Variants in SLC13A3 observed in about 807,000 individuals in gnomAD.
SLC13A3 encodes solute carrier family 13 member 3.
In SLC13A3, 40 loss-of-function variants were observed where a neutral mutation model predicts 59.0. That is an observed-to-expected ratio of 0.68 (90% CI 0.53 to 0.88). The LOEUF is 0.88. SLC13A3 is among the 40% of genes least tolerant of loss of function. The probability of loss-of-function intolerance (pLI) is 0.00; values close to 1 mark genes in which losing one functional copy is unlikely to be tolerated. For synonymous variants in SLC13A3, 317 were observed against 330.3 expected (o/e 0.96, Z 0.44); for missense variants, 699 against 783.2 (o/e 0.89, Z 1.28).
At chr20:46,565,799 G>C (rs936129920) in intron 11 of SLC13A3, among the ~76,000 whole-genome samples, 1 of 152,164 alleles carries the variant, frequency 6.6e-6, no homozygotes, top group Non-Finnish European at 1.5e-5. Flanking sequence ...TGTAGTGCAC[G>C]GATCAGCCCC....
chr20:46,614,983 T>C (rs961660307), intron 1 of SLC13A3, among the ~76,000 whole-genome samples: 4 of 152,238 alleles, frequency 2.6e-5, no homozygotes, highest in Admixed American at 2.0e-4. Context: ...TATACCTAGA[T>C]TGGAGTGGTA....
chr20:46,633,773 A>G (rs1292818907), intron 1 of SLC13A3, among the ~76,000 whole-genome samples: 3 of 152,248 alleles, frequency 2.0e-5, no homozygotes, highest in African/African-American at 4.8e-5. Context: ...GACTTGCTCA[A>G]GGCCCTCTGC....
Position 46,559,898 on chromosome 20 carries a change from C to A in SLC13A3, c.*124G>T. On this transcript the variant is annotated 3_prime_UTR_variant, in exon 13 of 13. Transcript: ENST00000279027. ...GACTTGAGTGGGCCACTGGAGGTCACCCTTGCTTGCTGCATATTGGATTAC... is the reference window on the plus strand; with the variant it reads ...GACTTGAGTGGGCCACTGGAGGTCAACCTTGCTTGCTGCATATTGGATTAC... 1 of 972,844 alleles carries A rather than the reference C, an allele frequency of 1.0e-6. No individual in the cohort carries two copies. The highest frequency in any genetic ancestry group is 1.5e-6 in the Non-Finnish European group (1 of 653,010). The allele number at this position is 972,844 out of a possible 1,614,324, so 60.3% of individuals were successfully genotyped here. A position where few individuals can be genotyped will look rare whatever the true frequency, so the allele number is the denominator to read the frequency against.
chr20:46,578,667 C>A (rs1050086348), intron 9 of SLC13A3, among the ~76,000 whole-genome samples: 3 of 151,908 alleles, frequency 2.0e-5, no homozygotes, highest in Non-Finnish European at 4.4e-5. Flanking sequence ...CAGAGCAAGA[C>A]CCTGTCTTAA....
At chr20:46,655,857 A>G (rs1163976148), upstream of SLC13A3, among the ~76,000 whole-genome samples, 1 of 137,214 alleles carries the variant, frequency 7.3e-6, no homozygotes, top group African/African-American at 2.7e-5. Context: ...TGTATATAAT[A>G]TATATACTGT....
At chr20:46,641,672 C>T (rs2062846844) in intron 1 of SLC13A3, among the ~76,000 whole-genome samples, 1 of 152,100 alleles carries the variant, frequency 6.6e-6, no homozygotes, top group Non-Finnish European at 1.5e-5. Context: ...CAAAAGAAGG[C>T]ACATGAGGCT....
In SLC13A3 at chr20:46,615,090, C is replaced by T. The variant is rs1050670747; in HGVS notation, c.112-1365G>A. On this transcript the variant is annotated intron_variant, in intron 1 of 12. Coordinates refer to ENST00000279027, the MANE Select transcript of SLC13A3 (RefSeq NM_022829.6). The stretch of plus-strand genomic sequence containing the variant: ...ACAATGACTTCACATCTGATGCATC[C>T]GTGTCCCACAGGATTCATAATACTT... Among the ~76,000 whole-genome samples, 7 of 152,172 alleles carry T rather than the reference C, an allele frequency of 4.6e-5. No individual in the cohort carries two copies. In the East Asian group the frequency reaches 5.8e-4, roughly 13 times the overall value.
Position 46,589,588 on chromosome 20 carries a change from T to C in SLC13A3, c.921-333A>G, listed in dbSNP as rs576832072. Among the ~76,000 whole-genome samples, 10 of 152,324 alleles carry C rather than the reference T, an allele frequency of 6.6e-5. 1 individual carries two copies. In the East Asian group the frequency reaches 1.9e-3, roughly 29 times the overall value. ...CAATCACAAATGGGAATTTAGTCTA[T>C]AATAAAATTGCTATCTCAGATTGGT... On this transcript the variant is annotated intron_variant, in intron 6 of 12. Transcript: ENST00000279027.
chr20:46,670,488 T>C (rs1056102664), upstream of SLC13A3, among the ~76,000 whole-genome samples: 1 of 152,216 alleles, frequency 6.6e-6, no homozygotes, highest in African/African-American at 2.4e-5. Flanking sequence ...GCAAATGTGA[T>C]GCAAACAAAG....
intron 1 of SLC13A3, among the ~76,000 whole-genome samples, chr20:46,623,656 A>T (rs905935861): frequency 6.6e-6 from 1 of 152,154 alleles, no homozygotes; most frequent in African/African-American, 2.4e-5. Context: ...CAGCTTACAA[A>T]CTGTGTAGTC....
intron 4 of SLC13A3, among the ~76,000 whole-genome samples, chr20:46,597,730 G>C (rs2122699214): frequency 6.6e-6 from 1 of 152,280 alleles, no homozygotes; most frequent in African/African-American, 2.4e-5. Flanking sequence ...AGCCACCGCG[G>C]TAAAAATGCA....
upstream of SLC13A3, among the ~76,000 whole-genome samples, chr20:46,652,681 C>T (rs984263820): frequency 6.6e-6 from 1 of 151,842 alleles, no homozygotes; most frequent in Non-Finnish European, 1.5e-5. Context: ...AGGTGTGCGT[C>T]ACCACGCCCG....
chr20:46,585,506 C>T (rs2062181930), intron 8 of SLC13A3: 1 of 1,009,302 alleles, frequency 9.9e-7, no homozygotes, highest in Non-Finnish European at 1.2e-6. Context: ...AGCCAATTGG[C>T]ATATGTTTCA....
chr20:46,590,852 GA>G (rs1167358848), intron 6 of SLC13A3, among the ~76,000 whole-genome samples: 1 of 151,914 alleles, frequency 6.6e-6, no homozygotes, highest in African/African-American at 2.4e-5. Flanking sequence ...AGGTAAAAGA[GA>G]AAAAAATAAT....
At chr20:46,566,957 A>C (rs1430414668) in intron 10 of SLC13A3, among the ~76,000 whole-genome samples, 2 of 152,026 alleles carry the variant, frequency 1.3e-5, no homozygotes, top group African/African-American at 2.4e-5. Flanking sequence ...TAATCCCAGC[A>C]CTTTGGGAGG....
intron 11 of SLC13A3, among the ~76,000 whole-genome samples, chr20:46,564,697 C>T (rs900175060): frequency 5.3e-5 from 8 of 152,160 alleles, no homozygotes; most frequent in Non-Finnish European, 7.3e-5. Flanking sequence ...ACATTTTAAA[C>T]GTACATGCTC....
chr20:46,572,910 T>C (rs758613879), intron 10 of SLC13A3, among the ~76,000 whole-genome samples: 68 of 152,132 alleles, frequency 4.5e-4, no homozygotes, highest in Non-Finnish European at 9.1e-4. Context: ...CTGGATAACA[T>C]GCCACTTCCT....
At chr20:46,632,975 G>C (rs6094404) in intron 1 of SLC13A3, among the ~76,000 whole-genome samples, 2 of 137,052 alleles carry the variant, frequency 1.5e-5, no homozygotes, top group African/African-American at 2.7e-5. Context: ...ATCTGTTTAT[G>C]TATCTATCAT....
In SLC13A3 at chr20:46,600,031, A is replaced by G. The variant is rs2062356801; in HGVS notation, c.548T>C (p.Val183Ala). ...SQESEENTAA[V>A]RRNGLHTVPT... ...CACAGTGTGTAGGCCGTTTCTCCGC[A>G]CAGCAGCTAGGAGGAAAGAGCATGA... Residue 183 changes from valine (V) to alanine (A), a missense_variant, in exon 4 of 13, where the codon GTG becomes GCG. Physicochemically the swap from Val to Ala is moderately conservative, Grantham distance 64. Coordinates refer to ENST00000279027, the MANE Select transcript of SLC13A3 (RefSeq NM_022829.6). The G allele has an allele frequency of 6.4e-7, 1 of 1,562,866 alleles. No individual in the cohort carries two copies. Among genetic ancestry groups the G allele is most frequent in the East Asian group, 2.3e-5 (1 of 43,378 alleles).
Sources: allele counts gnomAD v4.1 joint callset (sites outside exome capture counted in the v4.1 genomes callset), GRCh38; gene constraint gnomAD v4.1.1; transcripts MANE v1.5; gene names NCBI Gene and HGNC (gene_info 2026-07-23, HGNC 2026-07-21).